The following PLA2G4B variants were observed in gnomAD, a reference collection of about 807,000 sequenced individuals.
PLA2G4B encodes phospholipase A2 group IVB, also known as cytosolic phospholipase A2 beta.
A neutral mutation model predicts 95.8 loss-of-function variants in PLA2G4B; 122 were observed. The ratio of observed to expected loss-of-function variants is 1.27; its 90% CI spans 1.10 to 1.48. PLA2G4B has a LOEUF of 1.48. Among genes scored for constraint, PLA2G4B ranks in the 40% most tolerant of loss-of-function variants. The probability of loss-of-function intolerance (pLI) is 0.00; values close to 1 mark genes in which losing one functional copy is unlikely to be tolerated. For missense variants in PLA2G4B, 1,158 were observed against 996.2 expected, an observed-to-expected ratio of 1.16 and a Z score of -2.19; for synonymous variants, 518 against 421.5, an observed-to-expected ratio of 1.23 and a Z score of -2.80.
chr15:41,847,325 C>A lies in PLA2G4B; in HGVS notation c.1948-12C>A. ...CCCTGTCCCTCTGAAGCCCCTTCTG[C>A]CTGCCCTGCAGCAGTTGCAGCTCCT... On this transcript the variant is annotated splice_polypyrimidine_tract_variant and intron_variant, in intron 18 of 19. Coordinates refer to ENST00000458483, the MANE Select transcript of PLA2G4B (RefSeq NM_001114633.2). 1 of 1,586,806 alleles carries A rather than the reference C, an allele frequency of 6.3e-7. No homozygotes were observed. Among genetic ancestry groups the A allele is most frequent in the Non-Finnish European group, 8.6e-7 (1 of 1,163,304 alleles).
chr15:41,842,801 G>C (rs2065459141), intron 10 of PLA2G4B: 1 of 678,732 alleles, frequency 1.5e-6, no homozygotes, highest in East Asian at 3.4e-5. Context: ...GCGAGTGACC[G>C]GCCCAGTGCC....
At chr15:41,842,883 T>A (rs2065460695) in intron 10 of PLA2G4B, 4 of 417,822 alleles carry the variant, frequency 9.6e-6, no homozygotes, top group Non-Finnish European at 1.7e-5. Flanking sequence ...AATGGTAACA[T>A]GGTTTGGGGC....
chr15:41,842,061 T>A, intron 8 of PLA2G4B, 112 bp downstream of exon 8: 1 of 1,559,804 alleles, frequency 6.4e-7, no homozygotes, highest in Non-Finnish European at 8.7e-7. Context: ...CCTGGCAGCA[T>A]GTGTGGGCCC....
rs2065535215 is a variant in PLA2G4B at position 41,845,972 on chromosome 15, C to T, written c.1525C>T (p.Leu509Phe). 6.6e-7 allele frequency: 1 copy of T among 1,518,804 alleles called. No individual in the cohort carries two copies. Among genetic ancestry groups the T allele is most frequent in the South Asian group, 1.3e-5 (1 of 75,318 alleles). 94.1% of individuals were successfully genotyped at this position (1,518,804 alleles called of 1,614,324 possible). The change falls in exon 16 of 20, where the codon CTC becomes TTC. Residue 509 changes from leucine to phenylalanine, a missense_variant. Transcript: ENST00000458483. ...GIWSNLYAAN[L>F]QDSLYWASEP... ...CTGGAGCAACCTGTATGCAGCCAAC[C>T]TCCAGGACAGCTTATACTGGGCCTC...
At position 41,846,279 on chromosome 15, in the gene PLA2G4B, T is replaced by A; in HGVS notation, c.1677T>A (p.Asp559Glu). 2 of 1,614,080 alleles carry A rather than the reference T, an allele frequency of 1.2e-6. No homozygotes were observed. Among genetic ancestry groups the A allele is most frequent in the Non-Finnish European group, 1.7e-6 (2 of 1,179,960 alleles). Residue 559 changes from aspartate to glutamate, a missense_variant, in exon 17 of 20, where the codon GAT becomes GAA. Transcript: ENST00000458483. The part of the protein sequence containing the change: ...TAGRIAEFFT[D>E]LLTWRPLAQA... ...GCAGGATAGCTGAGTTTTTCACCGA[T>A]CTTCTGACGTGGCGTCCACTGGCCC...
Position 41,845,980 on chromosome 15 carries a change from C to T in PLA2G4B, c.1533C>T (p.Asp511=), listed in dbSNP as rs1398844716. 1 of 1,518,972 alleles carries T rather than the reference C, an allele frequency of 6.6e-7. No homozygotes were observed. The allele number at this position is 1,518,972 out of a possible 1,614,324, so 94.1% of individuals were successfully genotyped here. The change falls in exon 16 of 20, where the codon GAC becomes GAT. Residue 511 remains aspartate, a synonymous_variant. Transcript: ENST00000458483. ...WSNLYAANLQ[D]SLYWASEPSQ... is the part of the protein sequence containing the mutation. ...ACCTGTATGCAGCCAACCTCCAGGA[C>T]AGCTTATACTGGGCCTCAGAGCCCA...
In PLA2G4B at chr15:41,848,064, AC is replaced by A. The variant is rs1459403025; in HGVS notation, c.*210del. On this transcript the variant is annotated 3_prime_UTR_variant, in exon 20 of 20. Transcript: ENST00000458483. ...AAGCCCATTTGTGTAATCACCCAAA[AC>A]CCCCCGGCCTGTGCCTGTTTTCCCT... The A allele has an allele frequency of 6.0e-6, 4 of 667,872 alleles. No individual in the cohort carries two copies. The highest frequency in any genetic ancestry group is 3.0e-5 in the Admixed American group (1 of 33,842). The allele number at this position is 667,872 out of a possible 1,614,324, so 41.4% of individuals were successfully genotyped here. A position where few individuals can be genotyped will look rare whatever the true frequency, so the allele number is the denominator to read the frequency against.
Position 41,845,781 on chromosome 15 carries a change from G to A in PLA2G4B, c.1495+6G>A, listed in dbSNP as rs1191202073. On this transcript the variant is annotated splice_donor_region_variant and intron_variant, in intron 15 of 19. Transcript: ENST00000458483. Reference sequence around the variant, plus strand: ...CCGCATCTGCTTCTTAGAAGGTGAGGGGCACTGGCAGGCTGGGGAAGCTGG... The same window carrying A: ...CCGCATCTGCTTCTTAGAAGGTGAGAGGCACTGGCAGGCTGGGGAAGCTGG... 2 of 1,589,256 alleles carry A rather than the reference G, an allele frequency of 1.3e-6. No homozygotes were observed. The highest frequency in any genetic ancestry group is 1.8e-5 in the Admixed American group (1 of 56,708).
intron 11 of PLA2G4B, among the ~76,000 whole-genome samples, chr15:41,844,182 C>T (rs1255448000): frequency 2.6e-5 from 4 of 152,302 alleles, no homozygotes; most frequent in East Asian, 3.9e-4. Flanking sequence ...AATTCTGAGG[C>T]GGGCCCTGGG....
intron 14 of PLA2G4B, 63 bp from the exon 15 acceptor site, chr15:41,845,575 G>T (rs4924580): frequency 9.2e-5 from 147 of 1,592,370 alleles, no homozygotes; most frequent in Admixed American, 2.0e-4. Flanking sequence ...ACCCTGGGTC[G>T]GGGTGGGGGT....
Position 41,844,861 on chromosome 15 carries a change from C to G in PLA2G4B, c.1030C>G (p.Leu344Val). ...ASGSTWALAN[L>V]YEDPEWSQKD... The stretch of plus-strand genomic sequence containing the variant: ...GGCTTTTCCCAGGGCCTTGGCCAAC[C>G]TTTATGAGGACCCAGAGTGGTCTCA... The change falls in exon 13 of 20, where the codon CTT (leucine) becomes GTT (valine). Residue 344 changes from leucine to valine, a missense_variant. Transcript: ENST00000458483. The G allele has an allele frequency of 1.9e-6, 3 of 1,606,480 alleles. No individual in the cohort carries two copies. The highest frequency in any genetic ancestry group is 2.5e-6 in the Non-Finnish European group (3 of 1,176,890).
chr15:41,841,634 T>C (rs1030501832), intron 7 of PLA2G4B, 63 bp downstream of exon 7: 35 of 1,609,324 alleles, frequency 2.2e-5, no homozygotes, highest in African/African-American at 2.0e-4. Context: ...CCTTTAAGCA[T>C]TGGACAATTC....
Position 41,846,295 on chromosome 15 carries a change from C to T in PLA2G4B, c.1693C>T (p.Pro565Ser). ...TTTCACCGATCTTCTGACGTGGCGT[C>T]CACTGGCCCAGGCCACACATAATTT... ...EFFTDLLTWR[P>S]LAQATHNFLR... Residue 565 changes from proline to serine, a missense_variant, in exon 17 of 20, where the codon CCA becomes TCA. Pro to Ser is a moderately conservative substitution (Grantham distance 74). Transcript: ENST00000458483. 1.2e-6 allele frequency: 2 copies of T among 1,614,092 alleles called. No homozygotes were observed. The highest frequency in any genetic ancestry group is 1.1e-5 in the South Asian group (1 of 91,086).
rs375511987 is a variant in PLA2G4B, at chr15:41,845,198, C to T, written c.1240-5C>T. The T allele has an allele frequency of 4.3e-6, 7 of 1,614,040 alleles. No individual in the cohort carries two copies. The highest frequency in any genetic ancestry group is 2.7e-5 in the African/African-American group (2 of 74,932). The stretch of plus-strand genomic sequence containing the variant: ...TGGGTTTAGGTTCTACGCATCTTTC[C>T]CCAGCCCCATGATCACAAGCTCTCA... On this transcript the variant is annotated splice_region_variant and splice_polypyrimidine_tract_variant and intron_variant, in intron 13 of 19. Coordinates refer to ENST00000458483, the MANE Select transcript of PLA2G4B (RefSeq NM_001114633.2).
rs1231216415 is a variant in PLA2G4B, at chr15:41,845,301, G to A, written c.1338G>A (p.Leu446=). 6.2e-7 allele frequency: 1 copy of A among 1,613,998 alleles called. No individual in the cohort carries two copies. The highest frequency in any genetic ancestry group is 8.5e-7 in the Non-Finnish European group (1 of 1,179,952). ...CCCTCAACACCAAAGGGCAGAGCCTGACCACTTTTGAATTTGGGGGTGAGT... is the reference window on the plus strand; with the variant it reads ...CCCTCAACACCAAAGGGCAGAGCCTAACCACTTTTGAATTTGGGGGTGAGT... ...YCALNTKGQS[L]TTFEFGEWCE... Residue 446 remains leucine (L), a synonymous_variant, in exon 14 of 20, where the codon CTG becomes CTA. Transcript: ENST00000458483.
chr15:41,848,138 T>C lies in PLA2G4B; in HGVS notation c.*278T>C, dbSNP rs2065617187. On this transcript the variant is annotated 3_prime_UTR_variant, in exon 20 of 20. Transcript: ENST00000458483. ...GAGCACTTGATACATCACAGACTCA[T>C]ACAAATGTGAGGCGCTGAGACCATC... 3.5e-6 allele frequency: 2 copies of C among 565,234 alleles called. No homozygotes were observed. The highest frequency in any genetic ancestry group is 3.1e-5 in the Admixed American group (1 of 32,016). The allele number at this position is 565,234 out of a possible 1,614,324, so 35.0% of individuals were successfully genotyped here.
chr15:41,840,993 A>T, intron 4 of PLA2G4B, 62 bp from the exon 5 acceptor site: 1 of 1,574,044 alleles, frequency 6.4e-7, no homozygotes, highest in Non-Finnish European at 8.7e-7. Flanking sequence ...TGTCTCTCAT[A>T]CTCACTGACA....
chr15:41,846,088 C>T (rs1377631366), intron 16 of PLA2G4B, 41 bp downstream of exon 16: 9 of 1,569,050 alleles, frequency 5.7e-6, no homozygotes, highest in Non-Finnish European at 7.8e-6. Context: ...CAAGGGGCAG[C>T]CAGCTGGGGC....
rs1202002416 is a variant in PLA2G4B, at chr15:41,844,593, C to T, written c.1002C>T (p.Ala334=). Residue 334 remains alanine, a synonymous_variant, in exon 12 of 20, where the codon GCC becomes GCT. Transcript: ENST00000458483. ...ATTGCGTCTCCTACATCACCGGGGC[C>T]TCGGGCTCCACCTGGTGAGCTGGGG... ...LLDCVSYITG[A]SGSTWALANL... is the part of the protein sequence containing the mutation. 3.7e-6 allele frequency: 6 copies of T among 1,614,048 alleles called. No homozygotes were observed. Among genetic ancestry groups the T allele is most frequent in the Admixed American group, 3.3e-5 (2 of 60,000 alleles).
Sources: allele counts gnomAD v4.1 joint callset (sites outside exome capture counted in the v4.1 genomes callset), GRCh38; gene constraint gnomAD v4.1.1; transcripts MANE v1.5; gene names NCBI Gene and HGNC (gene_info 2026-07-23, HGNC 2026-07-21).